Variants in PGCKA1 observed in about 807,000 individuals in gnomAD.
PGCKA1 encodes the protein PDCD10 and GCKIII kinases associated 1.
chr4:37,572,048 C>CTTTTTTTTCTTTTTCT, the PGCKA1 span, among the ~76,000 whole-genome samples: 42 of 111,616 alleles, frequency 3.8e-4, no homozygotes, highest in South Asian at 6.3e-4. Flanking sequence ...AACTTCACAC[C>CTTTTTTTTCTTTTTCT]TTTTTTTTTT....
the PGCKA1 span, among the ~76,000 whole-genome samples, chr4:37,571,355 C>CATTTTTTTTTTTTTTTTTTTTTTT: frequency 3.8e-5 from 3 of 78,036 alleles, no homozygotes. Flanking sequence ...GACTATTATC[C>CATTTTTTTTTTTTTTTTTTTTTTT]TTTTTTTTTT....
At chr4:37,511,369 T>C in the PGCKA1 span, among the ~76,000 whole-genome samples, 1 of 152,256 alleles carries the variant, frequency 6.6e-6, no homozygotes, top group Middle Eastern at 3.4e-3. Context: ...ACCACCTGGG[T>C]ACCACTGCTG....
At chr4:37,483,435 A>G in the PGCKA1 span, among the ~76,000 whole-genome samples, 1 of 152,166 alleles carries the variant, frequency 6.6e-6, no homozygotes, top group Non-Finnish European at 1.5e-5. Context: ...AGCCAGTGCC[A>G]TCTTTGTTCC....
At chr4:37,462,077 C>T in the PGCKA1 span, among the ~76,000 whole-genome samples, 1 of 150,662 alleles carries the variant, frequency 6.6e-6, no homozygotes, top group African/African-American at 2.5e-5. Flanking sequence ...GGCAGCTTCC[C>T]CCATTCCTTT....
At chr4:37,475,986 T>A in the PGCKA1 span, among the ~76,000 whole-genome samples, 2 of 150,184 alleles carry the variant, frequency 1.3e-5, no homozygotes, top group Non-Finnish European at 3.0e-5. Flanking sequence ...TATTTTACAA[T>A]ACATTATTTA....
chr4:37,488,689 A>G, the PGCKA1 span, among the ~76,000 whole-genome samples: 29 of 152,052 alleles, frequency 1.9e-4, no homozygotes, highest in Non-Finnish European at 2.8e-4. Context: ...TTCCTCACCT[A>G]TCTCCCCTCC....
At chr4:37,498,762 A>T in the PGCKA1 span, among the ~76,000 whole-genome samples, 1 of 152,210 alleles carries the variant, frequency 6.6e-6, no homozygotes, top group South Asian at 2.1e-4. Flanking sequence ...ATATAGAAGC[A>T]TGCCATTTGC....
chr4:37,543,845 A>AG, the PGCKA1 span, among the ~76,000 whole-genome samples: 33 of 151,326 alleles, frequency 2.2e-4, no homozygotes, highest in Admixed American at 2.6e-4. Flanking sequence ...AAAAAAAAAA[A>AG]GAAGGCTGCT....
the PGCKA1 span, among the ~76,000 whole-genome samples, chr4:37,491,424 T>C: frequency 6.6e-6 from 1 of 152,236 alleles, no homozygotes; most frequent in Admixed American, 6.5e-5. Context: ...CAACTATATT[T>C]TTGTGGGAAC....
the PGCKA1 span, chr4:37,558,047 G>A: frequency 1.3e-5 from 2 of 152,184 alleles, no homozygotes; most frequent in Non-Finnish European, 2.9e-5. Context: ...TAAACTTCTA[G>A]AGAAACCTAA....
At chr4:37,533,241 G>A in the PGCKA1 span, among the ~76,000 whole-genome samples, 1 of 152,242 alleles carries the variant, frequency 6.6e-6, no homozygotes, top group African/African-American at 2.4e-5. Context: ...CACTTTACAT[G>A]TTAATATTTC....
At chr4:37,461,314 C>T in the PGCKA1 span, among the ~76,000 whole-genome samples, 1 of 152,046 alleles carries the variant, frequency 6.6e-6, no homozygotes, top group South Asian at 2.1e-4. Flanking sequence ...TTTTTGGTTC[C>T]ATATTAATTT....
At chr4:37,519,901 A>T in the PGCKA1 span, among the ~76,000 whole-genome samples, 2 of 152,174 alleles carry the variant, frequency 1.3e-5, no homozygotes, top group African/African-American at 4.8e-5. Flanking sequence ...TGGGTCTGTC[A>T]TATATGGCTT....
the PGCKA1 span, among the ~76,000 whole-genome samples, chr4:37,474,251 C>A: frequency 1.3e-5 from 2 of 152,098 alleles, no homozygotes; most frequent in African/African-American, 4.8e-5. Flanking sequence ...TTCTTTCTCA[C>A]GGGTTTCTCT....
the PGCKA1 span, among the ~76,000 whole-genome samples, chr4:37,536,998 AG>A: frequency 6.6e-6 from 1 of 152,200 alleles, no homozygotes; most frequent in South Asian, 2.1e-4. Flanking sequence ...TCATGGCAGC[AG>A]GGCCCTTGCC....
chr4:37,557,183 A>T, the PGCKA1 span, among the ~76,000 whole-genome samples: 1 of 152,238 alleles, frequency 6.6e-6, no homozygotes, highest in Admixed American at 6.5e-5. Flanking sequence ...TATACATCAT[A>T]AACAAAGATA....
chr4:37,471,878 C>G, the PGCKA1 span, among the ~76,000 whole-genome samples: 1 of 152,268 alleles, frequency 6.6e-6, no homozygotes, highest in South Asian at 2.1e-4. Flanking sequence ...TGGTTTCTAG[C>G]TTAAGAGATG....
the PGCKA1 span, among the ~76,000 whole-genome samples, chr4:37,509,648 G>A: frequency 3.3e-5 from 5 of 151,020 alleles, no homozygotes; most frequent in Non-Finnish European, 5.9e-5. Flanking sequence ...CCGAGATCAC[G>A]CCACCGCACT....
At chr4:37,534,404 C>A in the PGCKA1 span, among the ~76,000 whole-genome samples, 1 of 152,138 alleles carries the variant, frequency 6.6e-6, no homozygotes, top group South Asian at 2.1e-4. Flanking sequence ...TTTAATCTGA[C>A]CAGACTGTCT....
Sources: allele counts gnomAD v4.1 joint callset (sites outside exome capture counted in the v4.1 genomes callset), GRCh38; gene constraint gnomAD v4.1.1; transcripts MANE v1.5; gene names NCBI Gene and HGNC (gene_info 2026-07-23, HGNC 2026-07-21).